CLVS1: variants seen among roughly 807,000 people sequenced by gnomAD.
CLVS1 encodes the protein clavesin 1.
In CLVS1, 10 loss-of-function variants were observed where a neutral mutation model predicts 33.1. The ratio of observed to expected loss-of-function variants is 0.30; its 90% CI spans 0.19 to 0.51. The LOEUF (loss-of-function observed/expected upper bound fraction) is 0.51, where lower values mean the gene tolerates loss of function less well. Among genes scored for constraint, CLVS1 ranks in the 20% least tolerant of loss-of-function variants. The probability of loss-of-function intolerance (pLI) is 0.97; values close to 1 mark genes in which losing one functional copy is unlikely to be tolerated. For synonymous variants in CLVS1, 163 were observed against 166.1 expected (o/e 0.98, Z 0.14); for missense variants, 343 against 433.4 (o/e 0.79, Z 1.85).
intron 3 of CLVS1, among the ~76,000 whole-genome samples, chr8:61,404,767 G>A (rs1255118664): frequency 6.6e-6 from 1 of 152,176 alleles, no homozygotes; most frequent in East Asian, 1.9e-4. Context: ...ATCTCTTACT[G>A]CACCTTAGGT....
intron 2 of CLVS1, among the ~76,000 whole-genome samples, chr8:61,189,706 A>C (rs1230044046): frequency 6.6e-6 from 1 of 152,212 alleles, no homozygotes; most frequent in Non-Finnish European, 1.5e-5. Flanking sequence ...AAACAAAAAA[A>C]GGCAGGGGTT....
At chr8:61,428,600 G>A (rs889110357) in intron 3 of CLVS1, among the ~76,000 whole-genome samples, 3 of 152,180 alleles carry the variant, frequency 2.0e-5, no homozygotes, top group African/African-American at 7.2e-5. Flanking sequence ...TTTGAATTGT[G>A]CTGATAGAAA....
chr8:61,020,180 C>A, the CLVS1 span, among the ~76,000 whole-genome samples: 1 of 152,150 alleles, frequency 6.6e-6, no homozygotes, highest in African/African-American at 2.4e-5. Context: ...ACATTGGTCT[C>A]CCTGCCAAAC....
Position 61,259,201 on chromosome 8 carries a change from TAGA to T in CLVS1, c.-151-40475_-151-40473del, listed in dbSNP as rs1448614660. 7.9e-5 allele frequency among the ~76,000 whole-genome samples: 12 copies of T among 152,338 alleles called. No individual in the cohort carries two copies. In the East Asian group the frequency reaches 2.3e-3, roughly 29 times the overall value. On this transcript the variant is annotated intron_variant, in intron 2 of 2. Transcript: ENST00000522621. Reference sequence around the variant, plus strand: ...AAAATGAAATACAATAGCTAGTGCTTAGATACTTGGAAAGTCAAGCTGTTTTTC... The same window carrying T: ...AAAATGAAATACAATAGCTAGTGCTTTACTTGGAAAGTCAAGCTGTTTTTC...
At chr8:61,311,276 T>A (rs931653121) in intron 2 of CLVS1, among the ~76,000 whole-genome samples, 37 of 152,222 alleles carry the variant, frequency 2.4e-4, no homozygotes, top group Admixed American at 2.4e-3. Context: ...GTGTGCCATG[T>A]GTGTCAACCA....
intron 3 of CLVS1, among the ~76,000 whole-genome samples, chr8:61,386,767 A>G (rs1814102115): frequency 6.6e-6 from 1 of 152,246 alleles, no homozygotes; most frequent in Non-Finnish European, 1.5e-5. Context: ...GATGGTAATG[A>G]TGATCATGAT....
At chr8:61,361,123 C>T (rs1812958215) in intron 2 of CLVS1, among the ~76,000 whole-genome samples, 1 of 152,132 alleles carries the variant, frequency 6.6e-6, no homozygotes, top group South Asian at 2.1e-4. Flanking sequence ...TACTCTTTAT[C>T]ACCAGGACAC....
At chr8:61,434,011 T>C (rs899352978) in intron 3 of CLVS1, among the ~76,000 whole-genome samples, 5 of 151,616 alleles carry the variant, frequency 3.3e-5, no homozygotes, top group African/African-American at 1.2e-4. Flanking sequence ...CACAAAGCAG[T>C]CAGAATTGGG....
chr8:61,341,074 AT>A (rs748386876), intron 2 of CLVS1, among the ~76,000 whole-genome samples: 3 of 152,234 alleles, frequency 2.0e-5, no homozygotes, highest in Non-Finnish European at 4.4e-5. Context: ...TCTTAAAAGT[AT>A]TGTCGATAAA....
chr8:61,415,842 A>G (rs2129604314), intron 3 of CLVS1, among the ~76,000 whole-genome samples: 1 of 152,340 alleles, frequency 6.6e-6, no homozygotes, highest in South Asian at 2.1e-4. Flanking sequence ...GACGGATAGG[A>G]AGAAAAATTT....
At chr8:61,310,968 G>C (rs1810810810) in intron 2 of CLVS1, among the ~76,000 whole-genome samples, 1 of 152,126 alleles carries the variant, frequency 6.6e-6, no homozygotes, top group Admixed American at 6.6e-5. Context: ...TCCTTTGTTT[G>C]GTAATAATAT....
intron 1 of CLVS1, among the ~76,000 whole-genome samples, chr8:61,128,046 A>G (rs1367757286): frequency 6.6e-6 from 1 of 152,228 alleles, no homozygotes; most frequent in East Asian, 1.9e-4. Flanking sequence ...AAAACTCATT[A>G]ACCAGCTGCC....
At chr8:61,352,474 CAG>C (rs1318823155) in intron 2 of CLVS1, among the ~76,000 whole-genome samples, 13 of 151,870 alleles carry the variant, frequency 8.6e-5, no homozygotes, top group African/African-American at 2.9e-4. Context: ...GTCTAAGAGA[CAG>C]AGATTAGCAG....
intron 3 of CLVS1, among the ~76,000 whole-genome samples, chr8:61,385,323 C>G (rs895969418): frequency 3.9e-5 from 6 of 152,262 alleles, no homozygotes; most frequent in African/African-American, 1.4e-4. Flanking sequence ...TGTCCAGGGA[C>G]TCTGTTCTGA....
chr8:60,967,150 T>C, the CLVS1 span, among the ~76,000 whole-genome samples: 1 of 152,224 alleles, frequency 6.6e-6, no homozygotes, highest in Non-Finnish European at 1.5e-5. Flanking sequence ...AACCATCAAA[T>C]ACTCTTTAAA....
chr8:61,353,213 T>C (rs919338847), intron 2 of CLVS1, among the ~76,000 whole-genome samples: 1 of 152,020 alleles, frequency 6.6e-6, no homozygotes, highest in Admixed American at 6.6e-5. Flanking sequence ...TTGACATTTA[T>C]AGAACACATC....
intron 2 of CLVS1, among the ~76,000 whole-genome samples, chr8:61,331,823 T>TTCCTCCTCCTCCTCC (rs71257360): frequency 5.6e-5 from 8 of 141,984 alleles, no homozygotes; most frequent in African/African-American, 2.1e-4. Flanking sequence ...CCTCCTCCTC[T>TTCCTCCTCCTCCTCC]TCCTCCTCCT....
At chr8:61,239,599 G>C (rs1808649730) in intron 2 of CLVS1, among the ~76,000 whole-genome samples, 1 of 152,056 alleles carries the variant, frequency 6.6e-6, no homozygotes, top group Admixed American at 6.6e-5. Flanking sequence ...AGCTGGGCAT[G>C]GTGGCTTGTG....
In CLVS1 at chr8:61,299,852, A is replaced by G. The variant is rs780840731; in HGVS notation, c.25A>G (p.Lys9Glu). The G allele has an allele frequency of 6.2e-7, 1 of 1,611,822 alleles. No individual in the cohort carries two copies. Among genetic ancestry groups the G allele is most frequent in the Admixed American group, 1.7e-5 (1 of 59,842 alleles). The stretch of plus-strand genomic sequence containing the variant: ...AATGGGACCAGTCTCTCTTCTTCCA[A>G]AATATCAGAAGTTAAACACTTGGAA... MGPVSLLP[K>E]YQKLNTWNGD... is the part of the protein sequence containing the mutation. The change falls in exon 2 of 6, where the codon AAA (lysine) becomes GAA (glutamate). Residue 9 changes from lysine to glutamate, a missense_variant. Coordinates refer to ENST00000325897, the MANE Select transcript of CLVS1 (RefSeq NM_173519.3).
Sources: allele counts gnomAD v4.1 joint callset (sites outside exome capture counted in the v4.1 genomes callset), GRCh38; gene constraint gnomAD v4.1.1; transcripts MANE v1.5; gene names NCBI Gene and HGNC (gene_info 2026-07-23, HGNC 2026-07-21).